The following JHY variants were observed in gnomAD, a reference collection of about 807,000 sequenced individuals.
JHY encodes the protein jhy protein homolog.
Under a neutral mutation model 78.0 loss-of-function variants are expected in JHY, and 69 were observed. The ratio of observed to expected loss-of-function variants is 0.88; its 90% CI spans 0.73 to 1.08. The LOEUF is 1.08. Ranked by LOEUF, JHY falls within the 50% of genes least tolerant of loss-of-function variation. The probability of loss-of-function intolerance (pLI) is 0.00; values close to 1 mark genes in which losing one functional copy is unlikely to be tolerated. For missense variants in JHY, 944 were observed against 927.8 expected (o/e 1.02, Z -0.23); for synonymous variants, 368 against 342.6 (o/e 1.07, Z -0.82).
intron 4 of JHY, among the ~76,000 whole-genome samples, chr11:122,925,870 A>T (rs1245650688): frequency 6.6e-6 from 1 of 152,142 alleles, no homozygotes; most frequent in African/African-American, 2.4e-5. Context: ...TACAAAAATT[A>T]GCTGGGTCTG....
chr11:122,936,622 A>C (rs1440007202), intron 5 of JHY, among the ~76,000 whole-genome samples: 1 of 152,116 alleles, frequency 6.6e-6, no homozygotes, highest in East Asian at 1.9e-4. Context: ...TTTCTCCATT[A>C]ATCCTTTAGT....
In JHY at chr11:122,886,121, A is replaced by C. The variant is rs1365021593; in HGVS notation, c.272A>C (p.Glu91Ala). ...GGAAGCCTGCACGAGATGGAAGAGG[A>C]AGCAAGTGGAAAAGCAGCTCAGATG... ...RWGSLHEMEE[E>A]ASGKAAQMAR... Residue 91 changes from glutamate to alanine, a missense_variant, in exon 2 of 9, where the codon GAA (glutamate) becomes GCA (alanine). Transcript: ENST00000227349. The C allele has an allele frequency of 6.2e-7, 1 of 1,614,038 alleles. No homozygotes were observed. Among genetic ancestry groups the C allele is most frequent in the Non-Finnish European group, 8.5e-7 (1 of 1,180,026 alleles).
rs780454524 is a variant in JHY at position 122,959,477 on chromosome 11, GTCC to G, written c.*33_*35del. On this transcript the variant is annotated 3_prime_UTR_variant, in exon 9 of 9. Transcript: ENST00000227349. ...TTTGATAGGAAGGAGACCAAAAATG[GTCC>G]AGGAATGAACGTGGAGAAAAGAAAC... 2 of 1,598,508 alleles carry G rather than the reference GTCC, an allele frequency of 1.3e-6. No individual in the cohort carries two copies. Among genetic ancestry groups the G allele is most frequent in the East Asian group, 4.5e-5 (2 of 44,664 alleles).
At chr11:122,957,808 C>T (rs1037905951) in intron 8 of JHY, among the ~76,000 whole-genome samples, 11 of 111,362 alleles carry the variant, frequency 9.9e-5, no homozygotes, top group African/African-American at 3.2e-4. Flanking sequence ...GACACACACA[C>T]AGTCACACAC....
chr11:122,929,260 C>T (rs186072598), intron 4 of JHY, among the ~76,000 whole-genome samples: 267 of 149,750 alleles, frequency 1.8e-3, no homozygotes, highest in African/African-American at 6.4e-3. Context: ...TTTTTTAAAG[C>T]AGTACCTCCC....
chr11:122,941,505 ACAGT>A (rs1299991773), intron 5 of JHY, among the ~76,000 whole-genome samples: 21 of 152,196 alleles, frequency 1.4e-4, no homozygotes, highest in Admixed American at 2.6e-4. Flanking sequence ...CCACTACCAA[ACAGT>A]CAGTCTAAGT....
chr11:122,887,931 C>T (rs1425579044), intron 2 of JHY, among the ~76,000 whole-genome samples: 1 of 152,164 alleles, frequency 6.6e-6, no homozygotes, highest in Non-Finnish European at 1.5e-5. Flanking sequence ...TCTTACAGAA[C>T]TCAAATGATT....
At chr11:122,931,959 C>T (rs1361367022) in intron 4 of JHY, among the ~76,000 whole-genome samples, 2 of 152,096 alleles carry the variant, frequency 1.3e-5, no homozygotes, top group Non-Finnish European at 1.5e-5. Flanking sequence ...GCTAACACTC[C>T]GTGTGTGACG....
At position 122,939,025 on chromosome 11, in the gene JHY, G is replaced by T. The variant is rs1272175266; in HGVS notation, c.1634+3950G>T. Among the ~76,000 whole-genome samples the T allele has an allele frequency of 3.1e-4, 45 of 144,160 alleles. No individual in the cohort carries two copies. In the Admixed American group the frequency reaches 3.2e-3, roughly 10 times the overall value. 94.6% of individuals were successfully genotyped at this position (144,160 alleles called of 152,430 possible). On this transcript the variant is annotated intron_variant, in intron 5 of 8. Transcript: ENST00000227349. ...TTTTCCGGAGACGGAGTCTCACTCT[G>T]TTGCCAGGCTGGAGTGCAGTGGCAC...
At chr11:122,912,348 T>C (rs1863149669) in intron 3 of JHY, among the ~76,000 whole-genome samples, 1 of 151,250 alleles carries the variant, frequency 6.6e-6, no homozygotes, top group African/African-American at 2.4e-5. Context: ...AAGGTCTCTC[T>C]GAGGACGTAT....
intron 7 of JHY, 102 bp downstream of exon 7, chr11:122,956,678 T>C: frequency 1.1e-6 from 1 of 882,144 alleles, no homozygotes; most frequent in South Asian, 1.6e-5. Flanking sequence ...CTAATTCAAA[T>C]GTCTCACTCT....
chr11:122,920,889 G>A (rs1863349259), intron 3 of JHY, among the ~76,000 whole-genome samples: 1 of 152,170 alleles, frequency 6.6e-6, no homozygotes, highest in South Asian at 2.1e-4. Flanking sequence ...GACAAGCCAT[G>A]ATTGCTGTCT....
Position 122,925,022 on chromosome 11 carries a change from G to A in JHY, c.978+12G>A. On this transcript the variant is annotated intron_variant, in intron 4 of 8. Coordinates refer to ENST00000227349, the MANE Select transcript of JHY (RefSeq NM_024806.4). ...CACAACAGCTAAAGGTTACCTGCTA[G>A]ATTGCATTTTAAGTGTGTTTCAAGC... The A allele has an allele frequency of 6.3e-7, 1 of 1,586,700 alleles. No homozygotes were observed. The highest frequency in any genetic ancestry group is 8.7e-7 in the Non-Finnish European group (1 of 1,155,230).
At chr11:122,884,806 T>C (rs1163680395) in intron 1 of JHY, among the ~76,000 whole-genome samples, 1 of 152,076 alleles carries the variant, frequency 6.6e-6, no homozygotes, top group Non-Finnish European at 1.5e-5. Flanking sequence ...TGAACAGTTT[T>C]ATTTATTTTT....
rs3133338 is a variant in JHY, at chr11:122,946,503, T to C, written c.1640T>C (p.Phe547Ser). 6.4e-7 allele frequency: 1 copy of C among 1,566,460 alleles called. No homozygotes were observed. Among genetic ancestry groups the C allele is most frequent in the East Asian group, 2.3e-5 (1 of 44,348 alleles). The stretch of plus-strand genomic sequence containing the variant: ...CCTTTTTTTTTTTCATTAAGGAAAT[T>C]CCATTCTTCTTCTGACAGCCAGACG... ...KYRNLEMLWK[F>S]HSSSDSQTVR... The change falls in exon 6 of 9, where the codon TTC becomes TCC. Residue 547 changes from phenylalanine (F) to serine (S), a missense_variant. Coordinates refer to ENST00000227349, the MANE Select transcript of JHY (RefSeq NM_024806.4).
chr11:122,949,694 C>T (rs950343275), intron 6 of JHY, among the ~76,000 whole-genome samples: 4 of 152,228 alleles, frequency 2.6e-5, no homozygotes, highest in Middle Eastern at 3.4e-3. Flanking sequence ...TCCAACTTCA[C>T]GCTCTCATGT....
intron 5 of JHY, among the ~76,000 whole-genome samples, chr11:122,937,753 G>A (rs1053993886): frequency 6.6e-6 from 1 of 151,868 alleles, no homozygotes; most frequent in African/African-American, 2.4e-5. Flanking sequence ...CACCCTTCCC[G>A]TTTTTTCCAT....
intron 1 of JHY, among the ~76,000 whole-genome samples, chr11:122,884,576 C>T (rs1363817200): frequency 1.3e-5 from 2 of 152,148 alleles, no homozygotes; most frequent in African/African-American, 2.4e-5. Flanking sequence ...GCACCCTTTC[C>T]ATGGCTCTTT....
Position 122,961,046 on chromosome 11 carries a change from A to G in JHY, c.*1601A>G, listed in dbSNP as rs1049600449. 3.8e-6 allele frequency: 4 copies of G among 1,058,892 alleles called. No individual in the cohort carries two copies. The highest frequency in any genetic ancestry group is 5.8e-6 in the Non-Finnish European group (4 of 688,906). The allele number at this position is 1,058,892 out of a possible 1,614,324, so 65.6% of individuals were successfully genotyped here. ...CAATTGCCAAGTGCATTTGGGACCTAAAGCTGTTGGCAAAGAAGACTCATG... is the reference window on the plus strand; with the variant it reads ...CAATTGCCAAGTGCATTTGGGACCTGAAGCTGTTGGCAAAGAAGACTCATG... On this transcript the variant is annotated 3_prime_UTR_variant, in exon 9 of 9. Transcript: ENST00000227349.
Sources: allele counts gnomAD v4.1 joint callset (sites outside exome capture counted in the v4.1 genomes callset), GRCh38; gene constraint gnomAD v4.1.1; transcripts MANE v1.5; gene names NCBI Gene and HGNC (gene_info 2026-07-23, HGNC 2026-07-21).